NRG3: variants seen among roughly 807,000 people sequenced by gnomAD.
NRG3 encodes pro-neuregulin-3, membrane-bound isoform.
A neutral mutation model predicts 66.9 loss-of-function variants in NRG3; 31 were observed. The observed-to-expected ratio is 0.46, with a 90% confidence interval of 0.35 to 0.63. NRG3 has a LOEUF of 0.63. NRG3 is among the 20% of genes least tolerant of loss of function. The pLI is 0.00. For missense variants in NRG3, 910 were observed against 878.9 expected (o/e 1.04, Z -0.45); for synonymous variants, 393 against 359.4 (o/e 1.09, Z -1.06).
chr10:81,981,660 C>T (rs1358684978), intron 1 of NRG3, among the ~76,000 whole-genome samples: 1 of 152,230 alleles, frequency 6.6e-6, no homozygotes, highest in African/African-American at 2.4e-5. Context: ...TCCCACCAGA[C>T]CTGGGCCCAT....
At chr10:82,599,834 C>A (rs537600004) in intron 2 of NRG3, among the ~76,000 whole-genome samples, 1 of 151,974 alleles carries the variant, frequency 6.6e-6, no homozygotes. Flanking sequence ...CAAAACAAAT[C>A]AAAATAAAGT....
intron 1 of NRG3, among the ~76,000 whole-genome samples, chr10:82,156,598 G>A (rs1239768601): frequency 6.6e-6 from 1 of 151,468 alleles, no homozygotes; most frequent in Non-Finnish European, 1.5e-5. Flanking sequence ...TCACAAGGAT[G>A]TCTGTAAAAA....
At chr10:82,474,908 G>A (rs971846304) in intron 2 of NRG3, among the ~76,000 whole-genome samples, 1 of 151,750 alleles carries the variant, frequency 6.6e-6, no homozygotes, top group Non-Finnish European at 1.5e-5. Flanking sequence ...TTCCTTCTAA[G>A]ATTATCAGCA....
chr10:82,541,852 T>A (rs1299162427), intron 2 of NRG3, among the ~76,000 whole-genome samples: 1 of 152,176 alleles, frequency 6.6e-6, no homozygotes, highest in Admixed American at 6.5e-5. Flanking sequence ...AAATTTGTGT[T>A]CTAAATACCT....
chr10:82,812,213 C>T (rs1258893413), intron 3 of NRG3, among the ~76,000 whole-genome samples: 2 of 152,198 alleles, frequency 1.3e-5, no homozygotes, highest in Non-Finnish European at 2.9e-5. Context: ...TCCCAGTCTC[C>T]TCTCAGTTGA....
intron 1 of NRG3, among the ~76,000 whole-genome samples, chr10:81,999,660 A>C (rs775422608): frequency 6.6e-6 from 1 of 152,234 alleles, no homozygotes; most frequent in Non-Finnish European, 1.5e-5. Flanking sequence ...ATGTGCTCAT[A>C]AGAAATCAAT....
chr10:82,310,826 A>G (rs929747964), intron 1 of NRG3, among the ~76,000 whole-genome samples: 6 of 152,118 alleles, frequency 3.9e-5, no homozygotes, highest in African/African-American at 1.4e-4. Context: ...TCTCTCCCTC[A>G]TTCTACTCCC....
chr10:82,506,797 A>T (rs926415215), intron 2 of NRG3, among the ~76,000 whole-genome samples: 1 of 152,180 alleles, frequency 6.6e-6, no homozygotes, highest in Admixed American at 6.5e-5. Context: ...ACTCACATAA[A>T]TTAATTCTTA....
chr10:82,003,275 C>T lies in NRG3; in HGVS notation c.823+127112C>T, dbSNP rs1239337163. Among the ~76,000 whole-genome samples, 3 of 152,222 alleles carry T rather than the reference C, an allele frequency of 2.0e-5. No individual in the cohort carries two copies. The East Asian group carries it at 5.8e-4, about 29-fold the overall frequency. On this transcript the variant is annotated intron_variant, in intron 1 of 8. Coordinates refer to ENST00000372141, the MANE Select transcript of NRG3 (RefSeq NM_001010848.4). Reference sequence around the variant, plus strand: ...ATGTTTGAGGCTCATTTAAGATACACAATTGGAGATGTCAAACAGGCAACT... The same window carrying T: ...ATGTTTGAGGCTCATTTAAGATACATAATTGGAGATGTCAAACAGGCAACT...
intron 2 of NRG3, among the ~76,000 whole-genome samples, chr10:82,660,659 GA>G (rs2052285292): frequency 6.6e-6 from 1 of 152,164 alleles, no homozygotes; most frequent in African/African-American, 2.4e-5. Context: ...ACCGTACTGA[GA>G]TTTCTGCTCA....
intron 1 of NRG3, among the ~76,000 whole-genome samples, chr10:82,163,721 A>G (rs147371778): frequency 6.6e-6 from 1 of 152,222 alleles, no homozygotes; most frequent in East Asian, 1.9e-4. Flanking sequence ...GTCCTGATTG[A>G]GGCTAGGACC....
chr10:82,208,637 A>C (rs545046318), intron 1 of NRG3, among the ~76,000 whole-genome samples: 3 of 152,210 alleles, frequency 2.0e-5, no homozygotes, highest in African/African-American at 2.4e-5. Context: ...AAAAGTGTTT[A>C]AAACACGTAT....
chr10:82,238,380 A>C lies in NRG3; in HGVS notation c.824-120359A>C, dbSNP rs149426402. Among the ~76,000 whole-genome samples, 552 of 152,292 alleles carry C rather than the reference A, an allele frequency of 3.6e-3. 2 individuals carry two copies. The highest frequency in any genetic ancestry group is 0.012 in the African/African-American group (513 of 41,576). The stretch of plus-strand genomic sequence containing the variant: ...AAAATATTACGTTTTTACTCATTTA[A>C]TCATCATCCATGAGGTGACAACTAT... On this transcript the variant is annotated intron_variant, in intron 1 of 8. Transcript: ENST00000372141.
At chr10:82,714,727 TA>T (rs1304111351) in intron 2 of NRG3, among the ~76,000 whole-genome samples, 7 of 152,306 alleles carry the variant, frequency 4.6e-5, no homozygotes, top group Middle Eastern at 3.4e-3. Flanking sequence ...TCAGAGGAAA[TA>T]TTTTTTTAAT....
intron 3 of NRG3, among the ~76,000 whole-genome samples, chr10:82,790,343 G>T (rs761381603): frequency 3.3e-5 from 5 of 151,938 alleles, no homozygotes; most frequent in Non-Finnish European, 5.9e-5. Flanking sequence ...TTCTCCTTCA[G>T]TTTTGAAGGA....
chr10:82,087,609 A>G (rs942794967), intron 1 of NRG3, among the ~76,000 whole-genome samples: 2 of 152,154 alleles, frequency 1.3e-5, no homozygotes, highest in Non-Finnish European at 2.9e-5. Context: ...CATATTTATC[A>G]TTGCACTGCC....
At chr10:82,199,807 T>C (rs1220436209) in intron 1 of NRG3, among the ~76,000 whole-genome samples, 1 of 151,820 alleles carries the variant, frequency 6.6e-6, no homozygotes, top group Admixed American at 6.6e-5. Context: ...AATTTCCAGA[T>C]TACATTTCTT....
intron 1 of NRG3, among the ~76,000 whole-genome samples, chr10:82,263,878 T>C (rs1255168192): frequency 1.3e-5 from 2 of 152,230 alleles, no homozygotes; most frequent in Admixed American, 1.3e-4. Context: ...TGATGGTTTA[T>C]ATTTAAAATC....
At chr10:82,738,930 G>A (rs342362) in intron 3 of NRG3, among the ~76,000 whole-genome samples, 2 of 151,980 alleles carry the variant, frequency 1.3e-5, no homozygotes, top group African/African-American at 2.4e-5. Context: ...GCCCAGCCAC[G>A]TACCACCTCA....
Sources: gnomAD v4.1 joint callset for allele counts (sites outside exome capture counted in the v4.1 genomes callset) on GRCh38, gnomAD v4.1.1 for gene constraint, MANE v1.5 for transcripts, NCBI Gene and HGNC (gene_info 2026-07-23, HGNC 2026-07-21) for gene names.